Variants in FAAH2 observed in about 807,000 individuals in gnomAD.
FAAH2 encodes the protein fatty-acid amide hydrolase 2.
Under a neutral mutation model 36.9 loss-of-function variants are expected in FAAH2, and 60 were observed. The ratio of observed to expected loss-of-function variants is 1.63; its 90% CI spans 1.32 to 2.02. FAAH2 has a LOEUF of 2.02. Among genes scored for constraint, FAAH2 ranks in the 30% most tolerant of loss-of-function variants. FAAH2 has a pLI of 0.00. For missense variants in FAAH2, 689 were observed against 397.5 expected (o/e 1.73, Z -6.23); for synonymous variants, 214 against 143.8 (o/e 1.49, Z -3.49).
chrX:57,132,547 A>C, the FAAH2 span, among the ~76,000 whole-genome samples: 7 of 112,430 alleles, frequency 6.2e-5, no homozygotes, highest in East Asian at 1.7e-3. Context: ...TCAAATAGGA[A>C]AACATGCAGC....
intron 7 of FAAH2, among the ~76,000 whole-genome samples, chrX:57,399,144 A>G (rs1330350990): frequency 1.8e-5 from 2 of 111,467 alleles, no homozygotes; most frequent in East Asian, 5.7e-4. Flanking sequence ...ATTCTGGAAG[A>G]GACAAACTTA....
the FAAH2 span, among the ~76,000 whole-genome samples, chrX:57,240,546 C>T: frequency 9.0e-6 from 1 of 111,603 alleles, no homozygotes; most frequent in African/African-American, 3.3e-5. Context: ...TGTATCCAAG[C>T]AGTGGCATGG....
At chrX:57,330,253 G>A (rs772833344) in intron 3 of FAAH2, among the ~76,000 whole-genome samples, 16 of 111,820 alleles carry the variant, frequency 1.4e-4, no homozygotes, top group Admixed American at 2.9e-4. Context: ...GAACATCCCT[G>A]AGAAAGAGAA....
the FAAH2 span, among the ~76,000 whole-genome samples, chrX:57,189,401 C>G: frequency 9.1e-6 from 1 of 110,226 alleles, no homozygotes; most frequent in African/African-American, 3.3e-5. Flanking sequence ...ATTCATCAAA[C>G]TCATTCTCCA....
At chrX:57,458,569 G>A (rs749176456) in intron 10 of FAAH2, among the ~76,000 whole-genome samples, 1 of 112,225 alleles carries the variant, frequency 8.9e-6, no homozygotes, top group Non-Finnish European at 1.9e-5. Flanking sequence ...AGCAGCTTCA[G>A]TCTGCAGTTC....
the FAAH2 span, among the ~76,000 whole-genome samples, chrX:57,242,450 C>T: frequency 8.9e-6 from 1 of 112,161 alleles, no homozygotes; most frequent in Admixed American, 9.4e-5. Context: ...TAAAAAAACC[C>T]ATCCAGGCAT....
At chrX:57,414,375 T>A (rs2147043670) in intron 7 of FAAH2, among the ~76,000 whole-genome samples, 1 of 112,140 alleles carries the variant, frequency 8.9e-6, no homozygotes, top group South Asian at 3.7e-4. Context: ...CTCTTATTAT[T>A]TTGAGATATG....
At chrX:57,428,761 T>C (rs2056222620) in intron 7 of FAAH2, among the ~76,000 whole-genome samples, 1 of 111,958 alleles carries the variant, frequency 8.9e-6, no homozygotes, top group Admixed American at 9.5e-5. Flanking sequence ...AAGGCTTAAG[T>C]GTAAGACCAA....
intron 7 of FAAH2, among the ~76,000 whole-genome samples, chrX:57,383,165 T>C (rs1308808509): frequency 8.9e-6 from 1 of 111,967 alleles, no homozygotes; most frequent in Non-Finnish European, 1.9e-5. Context: ...TAGGTATTGA[T>C]GGGACGTAGC....
rs1047296625 is a variant in FAAH2, at chrX:57,403,531, T to C, written c.996+22502T>C. 8.0e-5 allele frequency among the ~76,000 whole-genome samples: 9 copies of C among 112,922 alleles called. No individual in the cohort carries two copies. The Admixed American group carries it at 8.4e-4, about 11-fold the overall frequency. ...CATTTGCCCCATCAAGATGCATTCC[T>C]ACAAACAACCGTTCTTATGCAAATT... is the stretch of plus-strand genomic sequence containing the variant. On this transcript the variant is annotated intron_variant, in intron 7 of 10. Transcript: ENST00000374900.
intron 7 of FAAH2, among the ~76,000 whole-genome samples, chrX:57,417,930 A>G (rs778560820): frequency 6.3e-5 from 7 of 111,614 alleles, no homozygotes; most frequent in Non-Finnish European, 1.3e-4. Context: ...TGCCCTTCCA[A>G]GTGAGGAGGA....
In FAAH2 at chrX:57,365,926, G is replaced by A. The variant is rs189880317; in HGVS notation, c.743-12725G>A. ...CAGTTTGTTTTTTCTTAAAATGGCA[G>A]CTATCTTTCAACTCTTGAACTATTT... On this transcript the variant is annotated intron_variant, in intron 5 of 10. Transcript: ENST00000374900. Among the ~76,000 whole-genome samples, 6 of 111,947 alleles carry A rather than the reference G, an allele frequency of 5.4e-5. No homozygotes were observed. In the East Asian group the frequency reaches 1.7e-3, roughly 32 times the overall value.
the FAAH2 span, among the ~76,000 whole-genome samples, chrX:57,191,302 T>C: frequency 8.9e-6 from 1 of 112,295 alleles, no homozygotes; most frequent in African/African-American, 3.2e-5. Context: ...GAGAAATGTC[T>C]ATTCAAATAT....
In FAAH2 at chrX:57,438,211, C is replaced by CTA. The variant is rs755805658; in HGVS notation, c.1116+6184_1116+6185dup. On this transcript the variant is annotated intron_variant, in intron 8 of 10. Transcript: ENST00000374900. Reference sequence around the variant, plus strand: ...TTTACTGATATCTATATCTATATCACTATATATATATCAGTATATATATCA... The same window carrying CTA: ...TTTACTGATATCTATATCTATATCACTATATATATATATCAGTATATATATCA... Among the ~76,000 whole-genome samples the CTA allele has an allele frequency of 9.3e-5, 9 of 96,479 alleles. No homozygotes were observed. The East Asian group carries it at 2.0e-3, about 21-fold the overall frequency. The allele number at this position is 96,479 out of a possible 115,157, so 83.8% of individuals were successfully genotyped here.
intron 5 of FAAH2, among the ~76,000 whole-genome samples, chrX:57,344,969 G>A (rs1252513027): frequency 9.0e-6 from 1 of 110,808 alleles, no homozygotes; most frequent in South Asian, 3.8e-4. Context: ...ATTTTGATGT[G>A]CTGCTGAAAT....
At chrX:57,469,670 G>C (rs767269963) in intron 10 of FAAH2, among the ~76,000 whole-genome samples, 46 of 111,595 alleles carry the variant, frequency 4.1e-4, no homozygotes, top group South Asian at 3.8e-3. Flanking sequence ...ACACCCCACT[G>C]TCAACATTAG....
chrX:57,390,818 A>C (rs765631478), intron 7 of FAAH2, among the ~76,000 whole-genome samples: 2 of 111,286 alleles, frequency 1.8e-5, no homozygotes, highest in Non-Finnish European at 3.8e-5. Context: ...TGATATAATA[A>C]TTTTTTTCTT....
chrX:57,150,117 C>T, the FAAH2 span, among the ~76,000 whole-genome samples: 1 of 112,274 alleles, frequency 8.9e-6, no homozygotes, highest in African/African-American at 3.2e-5. Flanking sequence ...GCACTGTGGT[C>T]TCAGAGACAG....
chrX:57,346,903 C>T (rs1221920765), intron 5 of FAAH2, among the ~76,000 whole-genome samples: 8 of 111,202 alleles, frequency 7.2e-5, no homozygotes, highest in Admixed American at 2.9e-4. Context: ...GTGTCTTCTG[C>T]CTTTAAAGGT....
Sources: gnomAD v4.1 joint callset for allele counts (sites outside exome capture counted in the v4.1 genomes callset) on GRCh38, gnomAD v4.1.1 for gene constraint, MANE v1.5 for transcripts, NCBI Gene and HGNC (gene_info 2026-07-23, HGNC 2026-07-21) for gene names.